The following TBC1D19 variants were observed in gnomAD, a reference collection of about 807,000 sequenced individuals.
TBC1D19 encodes the protein TBC1 domain family, member 19.
In TBC1D19, 60 loss-of-function variants were observed where a neutral mutation model predicts 89.0. The observed-to-expected ratio is 0.67, with a 90% CI of 0.55 to 0.84. TBC1D19 has a LOEUF of 0.84. Among genes scored for constraint, TBC1D19 ranks in the 40% least tolerant of loss-of-function variants. The probability of loss-of-function intolerance (pLI) is 0.00; values close to 1 mark genes in which losing one functional copy is unlikely to be tolerated. For synonymous variants in TBC1D19, 189 were observed against 199.7 expected, an observed-to-expected ratio of 0.95 and a Z score of 0.45; for missense variants, 500 against 610.8, an observed-to-expected ratio of 0.82 and a Z score of 1.91.
At chr4:26,710,869 T>C (rs1237342957) in intron 13 of TBC1D19, among the ~76,000 whole-genome samples, 1 of 152,192 alleles carries the variant, frequency 6.6e-6, no homozygotes, top group Non-Finnish European at 1.5e-5. Context: ...CACGTTTTGA[T>C]GGGGTTGTTT....
At chr4:26,666,185 TC>T (rs1711792781) in intron 8 of TBC1D19, 147 bp from the exon 9 acceptor site, 2 of 543,774 alleles carry the variant, frequency 3.7e-6, no homozygotes. Flanking sequence ...GTTTAATATG[TC>T]CTTTTCTTTT....
intron 15 of TBC1D19, among the ~76,000 whole-genome samples, chr4:26,732,204 C>G (rs1379310694): frequency 6.6e-6 from 1 of 152,148 alleles, no homozygotes; most frequent in Admixed American, 6.5e-5. Flanking sequence ...AGAGCAGATC[C>G]CACCACTATC....
At chr4:26,689,369 C>T (rs986292431) in intron 13 of TBC1D19, among the ~76,000 whole-genome samples, 1 of 152,018 alleles carries the variant, frequency 6.6e-6, no homozygotes, top group Non-Finnish European at 1.5e-5. Flanking sequence ...CAAAAATCTT[C>T]TTCTAAAAGT....
the TBC1D19 span, among the ~76,000 whole-genome samples, chr4:26,842,588 CTTTCTTTCTTTCTTTCTT>C: frequency 2.0e-4 from 21 of 104,736 alleles, no homozygotes; most frequent in African/African-American, 9.0e-4. Flanking sequence ...CCCTCCCTTT[CTTTCTTTCTTTCTTTCTT>C]TCTTTCTTTC....
rs1719208862 is a variant in TBC1D19, at chr4:26,755,362, T to G, written c.*415T>G. The G allele has an allele frequency of 6.6e-6, 1 of 152,426 alleles. No individual in the cohort carries two copies. Among genetic ancestry groups the G allele is most frequent in the Admixed American group, 6.6e-5 (1 of 15,264 alleles). 9.4% of individuals were successfully genotyped at this position (152,426 alleles called of 1,614,324 possible). A position where few individuals can be genotyped will look rare whatever the true frequency, so the allele number is the denominator to read the frequency against. On this transcript the variant is annotated 3_prime_UTR_variant, in exon 21 of 21. Coordinates refer to ENST00000264866, the MANE Select transcript of TBC1D19 (RefSeq NM_018317.4). ...TATCTCTAGATAATGTATTGTTTTG[T>G]CTCATAAATTGCTCCTCACTAAGAG... is the stretch of plus-strand genomic sequence containing the variant.
At chr4:26,614,544 GTAT>G (rs201567763) in intron 3 of TBC1D19, 91 bp downstream of exon 3, 10 of 733,298 alleles carry the variant, frequency 1.4e-5, no homozygotes, top group East Asian at 6.3e-5. Context: ...TATACTTGTT[GTAT>G]TATTATTTAT....
chr4:26,828,412 A>G, the TBC1D19 span, among the ~76,000 whole-genome samples: 1 of 152,256 alleles, frequency 6.6e-6, no homozygotes, highest in Non-Finnish European at 1.5e-5. Context: ...GCTGTTTCAT[A>G]GAATGTTGGA....
chr4:26,608,824 G>T (rs193067055), intron 1 of TBC1D19, among the ~76,000 whole-genome samples: 4 of 151,534 alleles, frequency 2.6e-5, no homozygotes, highest in African/African-American at 4.8e-5. Flanking sequence ...CCTTGTTTTG[G>T]GGGGGAGGAA....
At chr4:26,715,690 A>G (rs1489192904) in intron 13 of TBC1D19, among the ~76,000 whole-genome samples, 1 of 152,112 alleles carries the variant, frequency 6.6e-6, no homozygotes, top group East Asian at 1.9e-4. Context: ...TTCATCAGAT[A>G]TAGGCCATTT....
At chr4:26,631,783 G>A (rs1016661514) in intron 4 of TBC1D19, among the ~76,000 whole-genome samples, 2 of 151,998 alleles carry the variant, frequency 1.3e-5, no homozygotes, top group Admixed American at 6.6e-5. Context: ...ACATCTTATA[G>A]GTTAGTAAAA....
intron 11 of TBC1D19, among the ~76,000 whole-genome samples, chr4:26,678,531 T>C (rs929880642): frequency 1.6e-4 from 25 of 151,912 alleles, no homozygotes; most frequent in African/African-American, 5.8e-4. Flanking sequence ...GAAACTGCTT[T>C]TTTTTTTTTC....
chr4:26,749,293 A>G (rs1018834273), intron 19 of TBC1D19, among the ~76,000 whole-genome samples: 1 of 152,160 alleles, frequency 6.6e-6, no homozygotes, highest in African/African-American at 2.4e-5. Context: ...AAGTTTTCAC[A>G]ATAGATAGGG....
chr4:26,590,227 A>C (rs1739678921), intron 1 of TBC1D19, among the ~76,000 whole-genome samples: 1 of 152,226 alleles, frequency 6.6e-6, no homozygotes, highest in Admixed American at 6.5e-5. Context: ...GTTGTCTTAT[A>C]GCTTCAGTTT....
At chr4:26,851,307 A>C in the TBC1D19 span, among the ~76,000 whole-genome samples, 1,502 of 45,402 alleles carry the variant, frequency 0.033, 23 homozygotes, top group South Asian at 0.054. Context: ...TAAATACCCT[A>C]TCTATCTATC....
At chr4:26,735,592 A>T in intron 16 of TBC1D19, 105 bp downstream of exon 16, 1 of 1,057,580 alleles carries the variant, frequency 9.5e-7, no homozygotes, top group Non-Finnish European at 1.3e-6. Flanking sequence ...CTATAGTAAA[A>T]CAATAAAGGA....
chr4:26,675,190 A>G (rs1712690141), intron 11 of TBC1D19, among the ~76,000 whole-genome samples: 1 of 152,074 alleles, frequency 6.6e-6, no homozygotes, highest in African/African-American at 2.4e-5. Context: ...TTGTAGATGC[A>G]CTGCCAACTT....
chr4:26,642,858 T>A (rs915542000), intron 7 of TBC1D19, among the ~76,000 whole-genome samples: 1 of 152,172 alleles, frequency 6.6e-6, no homozygotes, highest in Non-Finnish European at 1.5e-5. Context: ...TGGTAAGGGA[T>A]CAATTCAACA....
chr4:26,855,144 C>T, the TBC1D19 span, among the ~76,000 whole-genome samples: 2 of 152,182 alleles, frequency 1.3e-5, no homozygotes, highest in African/African-American at 4.8e-5. Flanking sequence ...TTCTGCTTCA[C>T]TGGGGTTGAA....
chr4:26,789,289 T>A, the TBC1D19 span, among the ~76,000 whole-genome samples: 20 of 152,218 alleles, frequency 1.3e-4, no homozygotes, highest in African/African-American at 4.8e-4. Context: ...CCAGCCTCCC[T>A]TGCAGTTAGA....
Sources: allele counts gnomAD v4.1 joint callset (sites outside exome capture counted in the v4.1 genomes callset), GRCh38; gene constraint gnomAD v4.1.1; transcripts MANE v1.5; gene names NCBI Gene and HGNC (gene_info 2026-07-23, HGNC 2026-07-21).